Variants in MBNL2 observed in about 807,000 individuals in gnomAD.
MBNL2 encodes muscleblind like splicing regulator 2.
MBNL2 carries 17 observed loss-of-function variants against 41.9 expected under a neutral mutation model. That is an observed-to-expected ratio of 0.41 (90% CI 0.28 to 0.61). The LOEUF is 0.61. Among genes scored for constraint, MBNL2 ranks in the 20% least tolerant of loss-of-function variants. MBNL2 has a pLI of 0.35. For missense variants in MBNL2, 336 were observed against 505.6 expected, an observed-to-expected ratio of 0.66 and a Z score of 3.22; for synonymous variants, 195 against 182.9, an observed-to-expected ratio of 1.07 and a Z score of -0.53.
At chr13:97,158,393 C>T in the MBNL2 span, among the ~76,000 whole-genome samples, 1 of 152,050 alleles carries the variant, frequency 6.6e-6, no homozygotes, top group Non-Finnish European at 1.5e-5. Context: ...GTCTCTATTT[C>T]CTTCAGTTCT....
chr13:97,378,166 A>G (rs1031343392), intron 8 of MBNL2, among the ~76,000 whole-genome samples: 1 of 152,222 alleles, frequency 6.6e-6, no homozygotes, highest in African/African-American at 2.4e-5. Context: ...CTTAATTGAA[A>G]CATTACTTGA....
intron 7 of MBNL2, among the ~76,000 whole-genome samples, chr13:97,364,894 G>A (rs963620977): frequency 5.9e-5 from 9 of 152,142 alleles, no homozygotes; most frequent in South Asian, 2.1e-4. Context: ...GAATCATGTC[G>A]ATGCATATGA....
rs140403525 is a variant in MBNL2, at chr13:97,350,469, C to T, written c.804+3402C>T. 2.1e-3 allele frequency among the ~76,000 whole-genome samples: 316 copies of T among 152,360 alleles called. 2 individuals carry two copies. Among genetic ancestry groups the T allele is most frequent in the African/African-American group, 7.0e-3 (290 of 41,584 alleles). ...ACTCTTCCTTTTATGAAAGATTTCT[C>T]TGTAGCCTGCAATGTTATTTGATAG... On this transcript the variant is annotated intron_variant, in intron 5 of 8. Transcript: ENST00000679496.
chr13:97,170,474 G>C, the MBNL2 span, among the ~76,000 whole-genome samples: 1 of 152,156 alleles, frequency 6.6e-6, no homozygotes, highest in African/African-American at 2.4e-5. Flanking sequence ...CAGGGATATA[G>C]ACTTATTACT....
intron 1 of MBNL2, among the ~76,000 whole-genome samples, chr13:97,273,362 A>G (rs531375557): frequency 2.0e-5 from 3 of 152,290 alleles, no homozygotes; most frequent in African/African-American, 7.2e-5. Context: ...TGAGGTAATA[A>G]AGATACAAGT....
chr13:97,230,109 C>A (rs1259352991), intron 1 of MBNL2, among the ~76,000 whole-genome samples: 3 of 152,278 alleles, frequency 2.0e-5, no homozygotes, highest in South Asian at 2.1e-4. Flanking sequence ...AGCAGCCTGA[C>A]CAACATGGTG....
At chr13:97,261,911 C>T (rs773435631) in intron 1 of MBNL2, among the ~76,000 whole-genome samples, 2 of 152,224 alleles carry the variant, frequency 1.3e-5, no homozygotes, top group African/African-American at 4.8e-5. Context: ...CCCTGTCCTT[C>T]CCCCTTCTTG....
At chr13:97,248,882 A>C (rs2045990301) in intron 1 of MBNL2, among the ~76,000 whole-genome samples, 1 of 152,192 alleles carries the variant, frequency 6.6e-6, no homozygotes, top group East Asian at 1.9e-4. Flanking sequence ...TTTTATGCCA[A>C]GTCTATGGAA....
intron 7 of MBNL2, among the ~76,000 whole-genome samples, chr13:97,359,249 C>T (rs2063213456): frequency 6.6e-6 from 1 of 151,390 alleles, no homozygotes; most frequent in East Asian, 1.9e-4. Flanking sequence ...TTGTAGACCT[C>T]TTGGCCACTA....
the MBNL2 span, among the ~76,000 whole-genome samples, chr13:97,153,652 T>G: frequency 6.6e-6 from 1 of 152,188 alleles, no homozygotes; most frequent in Non-Finnish European, 1.5e-5. Flanking sequence ...TACAATTATC[T>G]GTGAAGGTCT....
At chr13:97,337,853 A>G (rs2061022949) in intron 3 of MBNL2, among the ~76,000 whole-genome samples, 1 of 152,212 alleles carries the variant, frequency 6.6e-6, no homozygotes, top group Admixed American at 6.5e-5. Context: ...GTGACCTAGT[A>G]GAGTATAGGT....
At chr13:97,240,102 C>T (rs2043988552) in intron 1 of MBNL2, among the ~76,000 whole-genome samples, 1 of 152,224 alleles carries the variant, frequency 6.6e-6, no homozygotes, top group Admixed American at 6.5e-5. Flanking sequence ...GGCCCCACCC[C>T]AGACTTCTGA....
At chr13:97,228,608 C>G (rs1333476074) in intron 1 of MBNL2, among the ~76,000 whole-genome samples, 1 of 150,938 alleles carries the variant, frequency 6.6e-6, no homozygotes, top group Non-Finnish European at 1.5e-5. Context: ...AGCTCACTGC[C>G]AACCTCTGCC....
intron 1 of MBNL2, among the ~76,000 whole-genome samples, chr13:97,271,190 A>C (rs2050907565): frequency 7.0e-6 from 1 of 142,736 alleles, no homozygotes; most frequent in South Asian, 2.1e-4. Context: ...GCGCGAGCTC[A>C]CTGCAATCTC....
the MBNL2 span, among the ~76,000 whole-genome samples, chr13:97,163,390 C>T: frequency 6.6e-6 from 1 of 152,128 alleles, no homozygotes; most frequent in Non-Finnish European, 1.5e-5. Context: ...TAGCCCTCAC[C>T]ACCTAACTGG....
At chr13:97,263,612 C>G (rs1246284410) in intron 1 of MBNL2, among the ~76,000 whole-genome samples, 1 of 152,114 alleles carries the variant, frequency 6.6e-6, no homozygotes, top group African/African-American at 2.4e-5. Context: ...GAGGAACCAG[C>G]CTGTACCTCT....
At chr13:97,217,898 G>A (rs562224567), upstream of MBNL2, among the ~76,000 whole-genome samples, 79 of 152,158 alleles carry the variant, frequency 5.2e-4, 1 homozygote, top group Non-Finnish European at 9.0e-4. Context: ...AGATGGAGAG[G>A]AGTGGATAGA....
At chr13:97,337,802 C>T (rs2061018447) in intron 3 of MBNL2, among the ~76,000 whole-genome samples, 1 of 152,148 alleles carries the variant, frequency 6.6e-6, no homozygotes, top group South Asian at 2.1e-4. Flanking sequence ...TAAAAATTAT[C>T]AACTCTAGAA....
chr13:97,282,391 T>G (rs2053610925), intron 2 of MBNL2, among the ~76,000 whole-genome samples: 2 of 152,112 alleles, frequency 1.3e-5, no homozygotes, highest in South Asian at 4.2e-4. Context: ...CATTGTAAAA[T>G]AGAAGCTCCC....
Sources: gnomAD v4.1 joint callset for allele counts (sites outside exome capture counted in the v4.1 genomes callset) on GRCh38, gnomAD v4.1.1 for gene constraint, MANE v1.5 for transcripts, NCBI Gene and HGNC (gene_info 2026-07-23, HGNC 2026-07-21) for gene names.